Variants in PCDHA13 observed in about 807,000 individuals in gnomAD.
PCDHA13 encodes the protein protocadherin alpha-13.
In PCDHA13, 54 loss-of-function variants were observed where a neutral mutation model predicts 64.8. The observed-to-expected ratio is 0.83, with a 90% CI of 0.67 to 1.04. PCDHA13 has a LOEUF of 1.04. Among genes scored for constraint, PCDHA13 ranks in the 50% least tolerant of loss-of-function variants. The pLI, the probability that PCDHA13 is intolerant of heterozygous loss-of-function variation, is 0.00. For missense variants in PCDHA13, 1,248 were observed against 1,254.3 expected, an observed-to-expected ratio of 0.99 and a Z score of 0.08; for synonymous variants, 587 against 564.4, an observed-to-expected ratio of 1.04 and a Z score of -0.57.
chr5:141,003,856 ATG>A (rs1554259354), intron 3 of PCDHA13, among the ~76,000 whole-genome samples: 1 of 152,144 alleles, frequency 6.6e-6, no homozygotes, highest in Non-Finnish European at 1.5e-5. Flanking sequence ...CCAGATTTAT[ATG>A]TGTCTGAAAT....
chr5:140,982,254 T>C (rs1275431812), intron 2 of PCDHA13: 9 of 774,802 alleles, frequency 1.2e-5, no homozygotes, highest in Non-Finnish European at 1.5e-5. Flanking sequence ...AGATAGAACA[T>C]GTGTGTTCCT....
chr5:140,883,402 C>G lies in PCDHA13; in HGVS notation c.1134C>G (p.Asp378Glu), dbSNP rs2153393597. 6.2e-7 allele frequency: 1 copy of G among 1,614,192 alleles called. No individual in the cohort carries two copies. The highest frequency in any genetic ancestry group is 1.6e-4 in the Middle Eastern group (1 of 6,062). The change falls in exon 1 of 4, where the codon GAC (aspartate) becomes GAG (glutamate). Residue 378 changes from aspartate to glutamate, a missense_variant. Transcript: ENST00000289272. Reference sequence around the variant, plus strand: ...CCCTAATCAGTGTGTCCGATCGTGACTCTGGCTCAAATGGACAGGTCACCT... The same window carrying G: ...CCCTAATCAGTGTGTCCGATCGTGAGTCTGGCTCAAATGGACAGGTCACCT... ...IIALISVSDRDSGSNGQVTCT... is the reference protein window; with the variant it reads ...IIALISVSDRESGSNGQVTCT...
At chr5:140,894,151 A>G (rs1554185957) in intron 1 of PCDHA13, among the ~76,000 whole-genome samples, 1 of 152,034 alleles carries the variant, frequency 6.6e-6, no homozygotes, top group Non-Finnish European at 1.5e-5. Flanking sequence ...CTTCTATGTA[A>G]TTATCCCTGA....
intron 1 of PCDHA13, chr5:140,927,082 C>G (rs141480000): frequency 6.2e-7 from 1 of 1,611,100 alleles, no homozygotes; most frequent in Non-Finnish European, 8.5e-7. Flanking sequence ...CCACCGCGAG[C>G]TCTACTTCGG....
intron 3 of PCDHA13, among the ~76,000 whole-genome samples, chr5:140,994,342 T>C (rs571225967): frequency 1.3e-5 from 2 of 152,288 alleles, no homozygotes; most frequent in South Asian, 4.1e-4. Flanking sequence ...ACAGTGGATG[T>C]TGTGGGACCT....
intron 2 of PCDHA13, among the ~76,000 whole-genome samples, chr5:140,980,855 C>T (rs1313101029): frequency 2.6e-5 from 4 of 151,960 alleles, no homozygotes; most frequent in South Asian, 2.1e-4. Flanking sequence ...TAATCTTTTT[C>T]GTATGTGTGC....
intron 3 of PCDHA13, among the ~76,000 whole-genome samples, chr5:140,986,736 A>G (rs1056820843): frequency 1.3e-5 from 2 of 152,206 alleles, no homozygotes; most frequent in Non-Finnish European, 2.9e-5. Flanking sequence ...TCAAGACCCC[A>G]GGGGATCTGG....
At chr5:140,951,395 G>A (rs1036290024) in intron 1 of PCDHA13, among the ~76,000 whole-genome samples, 1 of 152,030 alleles carries the variant, frequency 6.6e-6, no homozygotes, top group African/African-American at 2.4e-5. Flanking sequence ...AATTTATAAA[G>A]AAAAGAGGTT....
chr5:140,945,927 G>A (rs1036727708), intron 1 of PCDHA13, among the ~76,000 whole-genome samples: 1 of 152,038 alleles, frequency 6.6e-6, no homozygotes, highest in East Asian at 1.9e-4. Flanking sequence ...ACTGATCTGA[G>A]CAATGATGTT....
intron 1 of PCDHA13, chr5:140,930,423 A>C (rs1366004853): frequency 6.6e-6 from 1 of 151,862 alleles, no homozygotes; most frequent in Non-Finnish European, 1.5e-5. Flanking sequence ...GGGTCTCACT[A>C]TGTTGCCCAG....
chr5:140,927,740 G>A (rs782665573), intron 1 of PCDHA13: 5 of 1,614,206 alleles, frequency 3.1e-6, no homozygotes, highest in Middle Eastern at 1.6e-4. Context: ...CTGCGACACC[G>A]CTTTCACGTG....
intron 3 of PCDHA13, among the ~76,000 whole-genome samples, chr5:141,002,568 C>T (rs1554258737): frequency 6.6e-6 from 1 of 152,182 alleles, no homozygotes; most frequent in Admixed American, 6.5e-5. Context: ...AGTTAGTGAC[C>T]ATGTGACCAT....
At chr5:140,900,130 C>T (rs1156261230) in intron 1 of PCDHA13, among the ~76,000 whole-genome samples, 1 of 152,084 alleles carries the variant, frequency 6.6e-6, no homozygotes, top group East Asian at 1.9e-4. Flanking sequence ...TTTTAGGTAC[C>T]ACAAATAAGT....
rs199928168 is a variant in PCDHA13, at chr5:141,009,915, C to T, written c.2831C>T (p.Thr944Met). The part of the protein sequence containing the change: ...TQEKKEKGNS[T>M]TDNSDQ The stretch of plus-strand genomic sequence containing the variant: ...GAGAAAAAAGAGAAAGGGAACAGCA[C>T]GACTGACAACAGTGACCAGTGAGGT... The change falls in exon 4 of 4, where the codon ACG becomes ATG. Residue 944 changes from threonine to methionine, a missense_variant. Physicochemically the swap from Thr to Met is moderately conservative, Grantham distance 81. Coordinates refer to ENST00000289272, the MANE Select transcript of PCDHA13 (RefSeq NM_018904.3). The T allele has an allele frequency of 9.0e-4, 1,448 of 1,611,544 alleles. 2 individuals carry two copies. Among genetic ancestry groups the T allele is most frequent in the Admixed American group, 3.7e-3 (222 of 59,324 alleles).
At chr5:140,943,908 C>G (rs1554216015) in intron 1 of PCDHA13, among the ~76,000 whole-genome samples, 1 of 152,198 alleles carries the variant, frequency 6.6e-6, no homozygotes, top group Admixed American at 6.5e-5. Context: ...GTCATGAGCA[C>G]TTTAGCATGA....
intron 2 of PCDHA13, among the ~76,000 whole-genome samples, chr5:140,981,337 G>A (rs2096927522): frequency 6.6e-6 from 1 of 152,146 alleles, no homozygotes; most frequent in African/African-American, 2.4e-5. Context: ...ACTTTGGGAG[G>A]GTGAGGCAGG....
At chr5:140,929,391 A>G in intron 1 of PCDHA13, 1 of 1,511,404 alleles carries the variant, frequency 6.6e-7, no homozygotes, top group South Asian at 1.4e-5. Flanking sequence ...GTTTTGAAAT[A>G]TTTCTTAGAC....
intron 1 of PCDHA13, among the ~76,000 whole-genome samples, chr5:140,924,932 AAAAT>A (rs2082199458): frequency 7.6e-6 from 1 of 131,842 alleles, no homozygotes; most frequent in East Asian, 2.6e-4. Flanking sequence ...AAAATAAAAT[AAAAT>A]AAAAAGTTAA....
intron 1 of PCDHA13, among the ~76,000 whole-genome samples, chr5:140,920,769 G>T (rs2153558518): frequency 6.6e-6 from 1 of 151,918 alleles, no homozygotes; most frequent in African/African-American, 2.4e-5. Context: ...GCTTACACCT[G>T]GGAGGTGGAG....
Sources: gnomAD v4.1 joint callset for allele counts (sites outside exome capture counted in the v4.1 genomes callset) on GRCh38, gnomAD v4.1.1 for gene constraint, MANE v1.5 for transcripts, NCBI Gene and HGNC (gene_info 2026-07-23, HGNC 2026-07-21) for gene names.